STEAP3: variants seen among roughly 807,000 people sequenced by gnomAD.
STEAP3 encodes STEAP3 metalloreductase.
A neutral mutation model predicts 34.9 loss-of-function variants in STEAP3; 35 were observed. The ratio of observed to expected loss-of-function variants is 1.00; its 90% CI spans 0.76 to 1.33. STEAP3 has a LOEUF of 1.33. Ranked by LOEUF, STEAP3 falls within the 40% of genes most tolerant of loss-of-function variation. STEAP3 has a pLI of 0.00. For missense variants in STEAP3, 652 were observed against 667.6 expected (o/e 0.98, Z 0.26); for synonymous variants, 281 against 301.6 (o/e 0.93, Z 0.71).
chr2:119,225,130 G>T (rs1490518712), intron 1 of STEAP3, among the ~76,000 whole-genome samples: 1 of 152,172 alleles, frequency 6.6e-6, no homozygotes, highest in Non-Finnish European at 1.5e-5. Flanking sequence ...CACCTGCAAG[G>T]CTTGTTAAAA....
At chr2:119,245,309 A>C in intron 2 of STEAP3, 180 bp from the exon 3 acceptor site, 1 of 813,618 alleles carries the variant, frequency 1.2e-6, no homozygotes, top group East Asian at 2.5e-5. Flanking sequence ...TGCTCTCCCC[A>C]GGGAAGGGGC....
chr2:119,237,490 C>A (rs1385845564), intron 2 of STEAP3, among the ~76,000 whole-genome samples: 2 of 152,170 alleles, frequency 1.3e-5, no homozygotes, highest in Non-Finnish European at 2.9e-5. Context: ...GGGAATCCAC[C>A]CCCATGACCC....
chr2:119,257,955 A>G (rs1035759863), intron 5 of STEAP3, among the ~76,000 whole-genome samples: 2 of 152,218 alleles, frequency 1.3e-5, no homozygotes, highest in African/African-American at 4.8e-5. Flanking sequence ...CAAGTTTATT[A>G]AGAAAGCAAA....
rs985185167 is a variant in STEAP3 at position 119,248,201 on chromosome 2, A to C, written c.1045A>C (p.Lys349Gln). 1 of 1,581,608 alleles carries C rather than the reference A, an allele frequency of 6.3e-7. No homozygotes were observed. Among genetic ancestry groups the C allele is most frequent in the African/African-American group, 1.3e-5 (1 of 74,462 alleles). The change falls in exon 4 of 6, where the codon AAG becomes CAG. Residue 349 changes from lysine (K) to glutamine (Q), a missense_variant. Transcript: ENST00000393110. ...CTACGACCTGGTCAACCTGGCAGTC[A>C]AGCAGGTACCCACCCCATGCCCTTC... ...HRYDLVNLAV[K>Q]QVLANKSHLW...
intron 2 of STEAP3, among the ~76,000 whole-genome samples, chr2:119,236,027 G>A (rs1261176849): frequency 6.6e-6 from 1 of 152,148 alleles, no homozygotes; most frequent in Non-Finnish European, 1.5e-5. Flanking sequence ...GTCCCAAATA[G>A]TAGCAGGTCT....
In STEAP3 at chr2:119,247,784, G is replaced by A; in HGVS notation, c.628G>A (p.Glu210Lys). The A allele has an allele frequency of 6.2e-7, 1 of 1,609,506 alleles. No homozygotes were observed. The highest frequency in any genetic ancestry group is 1.1e-5 in the South Asian group (1 of 91,046). ...CATGGGATCCCTGGCGTCAGCCTGG[G>A]AGGTGGAGGCCATGCCCCTGCGCCT... is the stretch of plus-strand genomic sequence containing the variant. ...VDMGSLASAW[E>K]VEAMPLRLLP... Residue 210 changes from glutamate (E) to lysine (K), a missense_variant, in exon 4 of 6, where the codon GAG (glutamate) becomes AAG (lysine). Physicochemically the swap from Glu to Lys is moderately conservative, Grantham distance 56. Transcript: ENST00000393110.
At chr2:119,240,442 A>G (rs1201002526) in intron 2 of STEAP3, among the ~76,000 whole-genome samples, 2 of 152,212 alleles carry the variant, frequency 1.3e-5, no homozygotes, top group Non-Finnish European at 1.5e-5. Flanking sequence ...CCGACCTCAC[A>G]GCAAACCCTC....
intron 3 of STEAP3, chr2:119,246,302 G>A (rs907528718): frequency 3.1e-5 from 10 of 324,178 alleles, no homozygotes; most frequent in South Asian, 3.0e-4. Context: ...GAGCCAAGAA[G>A]GAGAGAGACT....
At chr2:119,237,620 T>C (rs986103938) in intron 2 of STEAP3, among the ~76,000 whole-genome samples, 1 of 152,194 alleles carries the variant, frequency 6.6e-6, no homozygotes, top group African/African-American at 2.4e-5. Flanking sequence ...ATCCATCCAA[T>C]GACATAGGCT....
At chr2:119,228,407 C>T (rs3769659) in intron 1 of STEAP3, among the ~76,000 whole-genome samples, 1 of 152,052 alleles carries the variant, frequency 6.6e-6, no homozygotes, top group East Asian at 2.0e-4. Flanking sequence ...GTCAGTAGCA[C>T]GCTGAATGCA....
At chr2:119,253,857 G>A (rs1292406371) in intron 4 of STEAP3, among the ~76,000 whole-genome samples, 1 of 152,172 alleles carries the variant, frequency 6.6e-6, no homozygotes, top group Non-Finnish European at 1.5e-5. Flanking sequence ...GGCAGGGTAA[G>A]GGCAGGTATC....
chr2:119,233,668 C>T (rs1367826891), intron 2 of STEAP3, among the ~76,000 whole-genome samples: 1 of 152,118 alleles, frequency 6.6e-6, no homozygotes, highest in Non-Finnish European at 1.5e-5. Context: ...TTTATTGGCC[C>T]CCATCCAATG....
At chr2:119,228,022 G>T (rs1467658397) in intron 1 of STEAP3, among the ~76,000 whole-genome samples, 1 of 152,064 alleles carries the variant, frequency 6.6e-6, no homozygotes, top group Non-Finnish European at 1.5e-5. Context: ...TAGAGATGGG[G>T]TTTTGCCATG....
At chr2:119,257,689 G>A (rs1016703943) in intron 5 of STEAP3, 40 of 1,415,522 alleles carry the variant, frequency 2.8e-5, no homozygotes, top group Non-Finnish European at 3.5e-5. Context: ...GGCTTTTGAG[G>A]TAAGCTGCAA....
intron 3 of STEAP3, 160 bp downstream of exon 3, chr2:119,246,148 T>A: frequency 2.0e-6 from 2 of 1,013,668 alleles, no homozygotes; most frequent in Non-Finnish European, 2.8e-6. Context: ...TCAAAGACAT[T>A]AATGATCTTA....
intron 5 of STEAP3, among the ~76,000 whole-genome samples, chr2:119,255,396 C>G (rs1254042758): frequency 6.6e-6 from 1 of 152,090 alleles, no homozygotes; most frequent in East Asian, 1.9e-4. Flanking sequence ...CCCAAGGATG[C>G]CATTCCTATG....
At chr2:119,227,840 ATTTT>A (rs905532312) in intron 1 of STEAP3, among the ~76,000 whole-genome samples, 3 of 147,492 alleles carry the variant, frequency 2.0e-5, no homozygotes, top group African/African-American at 7.6e-5. Flanking sequence ...TTATTTATTT[ATTTT>A]TTGGAGACAG....
At chr2:119,234,922 G>C (rs146670724) in intron 2 of STEAP3, among the ~76,000 whole-genome samples, 1 of 152,148 alleles carries the variant, frequency 6.6e-6, no homozygotes, top group Non-Finnish European at 1.5e-5. Context: ...ATACGCTGGC[G>C]ATGGGTAGTA....
intron 2 of STEAP3, among the ~76,000 whole-genome samples, chr2:119,233,024 G>T (rs1018562505): frequency 2.0e-5 from 3 of 152,196 alleles, no homozygotes; most frequent in African/African-American, 7.2e-5. Flanking sequence ...GCTTTGGGTG[G>T]GAAGTGGCCA....
Sources: allele counts gnomAD v4.1 joint callset (sites outside exome capture counted in the v4.1 genomes callset), GRCh38; gene constraint gnomAD v4.1.1; transcripts MANE v1.5; gene names NCBI Gene and HGNC (gene_info 2026-07-23, HGNC 2026-07-21).